Variants in CAMKK2 observed in about 807,000 individuals in gnomAD.
CAMKK2 encodes calcium/calmodulin dependent protein kinase kinase 2.
CAMKK2 carries 30 observed loss-of-function variants against 67.2 expected under a neutral mutation model. The observed-to-expected ratio is 0.45, with a 90% confidence interval of 0.33 to 0.61. The LOEUF (loss-of-function observed/expected upper bound fraction) is 0.61, where lower values mean the gene tolerates loss of function less well. Ranked by LOEUF, CAMKK2 falls within the 20% of genes least tolerant of loss-of-function variation. The probability of loss-of-function intolerance (pLI) is 0.02; values close to 1 mark genes in which losing one functional copy is unlikely to be tolerated. For missense variants in CAMKK2, 643 were observed against 802.0 expected (o/e 0.80, Z 2.39); for synonymous variants, 322 against 326.2 (o/e 0.99, Z 0.14).
intron 1 of CAMKK2, among the ~76,000 whole-genome samples, chr12:121,295,187 T>C (rs1394057781): frequency 2.0e-5 from 3 of 152,154 alleles, no homozygotes; most frequent in Non-Finnish European, 4.4e-5. Context: ...ATAAGTATTC[T>C]TATTATTATC....
intron 14 of CAMKK2, among the ~76,000 whole-genome samples, chr12:121,246,096 T>C (rs532732526): frequency 4.2e-4 from 63 of 151,440 alleles, no homozygotes; most frequent in Non-Finnish European, 8.3e-4. Context: ...GGGAGGTGAA[T>C]GGAGAGTCAT....
intron 14 of CAMKK2, among the ~76,000 whole-genome samples, chr12:121,248,123 A>G (rs1333638344): frequency 2.0e-5 from 3 of 152,208 alleles, no homozygotes; most frequent in Non-Finnish European, 4.4e-5. Context: ...AAGGGGACCT[A>G]CTTGCTCCTA....
At position 121,240,729 on chromosome 12, in the gene CAMKK2, C is replaced by A. The variant is rs777966197; in HGVS notation, c.1737G>T (p.Leu579=). The A allele has an allele frequency of 6.2e-7, 1 of 1,608,014 alleles. No individual in the cohort carries two copies. The highest frequency in any genetic ancestry group is 1.1e-5 in the South Asian group (1 of 90,684). Residue 579 remains leucine (L), a synonymous_variant, in exon 17 of 17, where the codon CTG becomes CTT. Transcript: ENST00000404169. The surrounding 1 kb of genome is among the most constrained non-coding windows in gnomAD (Gnocchi z 4.4). ...APGSPARMHP[L]RPEEAMEPE Reference sequence around the variant, plus strand: ...CGGGCTCCATGGCCTCCTCCGGCCGCAGTGGATGCATGCGTGCGGGGGAGC... The same window carrying A: ...CGGGCTCCATGGCCTCCTCCGGCCGAAGTGGATGCATGCGTGCGGGGGAGC...
chr12:121,240,600 A>C lies in CAMKK2; in HGVS notation c.*99T>G. The C allele has an allele frequency of 6.5e-7, 1 of 1,531,870 alleles. No homozygotes were observed. The highest frequency in any genetic ancestry group is 8.7e-7 in the Non-Finnish European group (1 of 1,145,922). The allele number at this position is 1,531,870 out of a possible 1,614,324, so 94.9% of individuals were successfully genotyped here. ...AGAGATGACGATCGAGGCTCTACAC[A>C]CGTGCTGGGTTTCCGTAGGACATGC... On this transcript the variant is annotated 3_prime_UTR_variant, in exon 17 of 17. Coordinates refer to ENST00000404169, the MANE Select transcript of CAMKK2 (RefSeq NM_001270485.2). This position sits in a 1 kb window ranked among gnomAD's most constrained non-coding sequence, Gnocchi z 4.4.
In CAMKK2 at chr12:121,268,574, CA is replaced by C. The variant is rs1895099664; in HGVS notation, c.625+63del. 4 of 1,462,778 alleles carry C rather than the reference CA, an allele frequency of 2.7e-6. No individual in the cohort carries two copies. The Admixed American group carries it at 5.0e-5, about 18-fold the overall frequency. The allele number at this position is 1,462,778 out of a possible 1,614,324, so 90.6% of individuals were successfully genotyped here. A position where few individuals can be genotyped will look rare whatever the true frequency, so the allele number is the denominator to read the frequency against. On this transcript the variant is annotated intron_variant, in intron 5 of 16. Transcript: ENST00000404169. ...CATGCCCAGTGCAATGGTTCCCATTCAGGGGGCTCTGCCCTGTCTTGTCCCA... is the reference window on the plus strand; with the variant it reads ...CATGCCCAGTGCAATGGTTCCCATTCGGGGGCTCTGCCCTGTCTTGTCCCA...
intron 1 of CAMKK2, among the ~76,000 whole-genome samples, chr12:121,283,343 A>C (rs1015038817): frequency 3.3e-5 from 5 of 152,074 alleles, no homozygotes; most frequent in Non-Finnish European, 5.9e-5. Context: ...AGCGCTCTTT[A>C]ATTTGGGGCC....
chr12:121,253,125 G>C lies in CAMKK2; in HGVS notation c.1107+148C>G. 2.9e-6 allele frequency: 2 copies of C among 684,768 alleles called. No individual in the cohort carries two copies. The highest frequency in any genetic ancestry group is 5.0e-6 in the Non-Finnish European group (2 of 401,282). 42.4% of individuals were successfully genotyped at this position (684,768 alleles called of 1,614,324 possible). Reference sequence around the variant, plus strand: ...GGAGATGGTTTCTGTTTGAGTCCCTGGATCTAGCCAAGCCTGAAGCCTACC... The same window carrying C: ...GGAGATGGTTTCTGTTTGAGTCCCTCGATCTAGCCAAGCCTGAAGCCTACC... On this transcript the variant is annotated intron_variant, in intron 10 of 16. Coordinates refer to ENST00000404169, the MANE Select transcript of CAMKK2 (RefSeq NM_001270485.2). The surrounding 1 kb of genome is among the most constrained non-coding windows in gnomAD (Gnocchi z 5.0).
At chr12:121,278,151 AATC>A (rs903287665) in intron 1 of CAMKK2, among the ~76,000 whole-genome samples, 7 of 152,082 alleles carry the variant, frequency 4.6e-5, no homozygotes, top group African/African-American at 1.2e-4. Context: ...CTCAGAAAGA[AATC>A]ATCAACTCTG....
At chr12:121,272,438 T>C (rs1785439964) in intron 2 of CAMKK2, among the ~76,000 whole-genome samples, 1 of 152,200 alleles carries the variant, frequency 6.6e-6, no homozygotes, top group Non-Finnish European at 1.5e-5. Context: ...CCATTGCTCA[T>C]AGGTCCTAGC....
chr12:121,275,702 G>A (rs1896663834), intron 1 of CAMKK2, among the ~76,000 whole-genome samples: 1 of 151,978 alleles, frequency 6.6e-6, no homozygotes, highest in Non-Finnish European at 1.5e-5. Flanking sequence ...ACATTAGTGG[G>A]TGTGGGGAAT....
In CAMKK2 at chr12:121,277,722, C is replaced by A. The variant is rs554146066; in HGVS notation, c.-59-3137G>T. Among the ~76,000 whole-genome samples the A allele has an allele frequency of 3.9e-5, 6 of 152,258 alleles. 1 individual carries two copies. In the East Asian group the frequency reaches 1.2e-3, roughly 29 times the overall value. ...TGGTTCGCACCTGTAATCCCAACAC[C>A]TTGGGAGGCCAAGGCAGGCAGATCA... On this transcript the variant is annotated intron_variant, in intron 1 of 16. Coordinates refer to ENST00000404169, the MANE Select transcript of CAMKK2 (RefSeq NM_001270485.2).
intron 10 of CAMKK2, 26 bp from the exon 11 acceptor site, chr12:121,252,740 G>C: frequency 6.2e-7 from 1 of 1,611,790 alleles, no homozygotes. Context: ...CTTAGTGTGA[G>C]GGCATAAGGG....
chr12:121,276,226 G>C (rs1273240717), intron 1 of CAMKK2, among the ~76,000 whole-genome samples: 1 of 150,276 alleles, frequency 6.7e-6, no homozygotes. Flanking sequence ...CCAGCACTTT[G>C]GGAGGCCAAG....
rs765037623 is a variant in CAMKK2, at chr12:121,260,359, G to A, written c.760-4C>T. 12 of 1,611,480 alleles carry A rather than the reference G, an allele frequency of 7.4e-6. No individual in the cohort carries two copies. Among genetic ancestry groups the A allele is most frequent in the Non-Finnish European group, 1.0e-5 (12 of 1,179,200 alleles). ...CCTCATTGGGGTCATCCAGGACCTT[G>A]GCACAGCCACATGGAATAGGCAGGA... On this transcript the variant is annotated splice_region_variant and splice_polypyrimidine_tract_variant and intron_variant, in intron 6 of 16. Coordinates refer to ENST00000404169, the MANE Select transcript of CAMKK2 (RefSeq NM_001270485.2).
chr12:121,284,910 T>TGAATTCCCGGGCCTAGAACTTTCTA (rs1898441897), intron 1 of CAMKK2, among the ~76,000 whole-genome samples: 2 of 152,218 alleles, frequency 1.3e-5, no homozygotes, highest in Non-Finnish European at 2.9e-5. Flanking sequence ...TGTTTACAGC[T>TGAATTCCCGGGCCTAGAACTTTCTA]GAATTCCCGG....
At chr12:121,272,738 G>A (rs1005361974) in intron 2 of CAMKK2, among the ~76,000 whole-genome samples, 31 of 151,440 alleles carry the variant, frequency 2.0e-4, no homozygotes, top group African/African-American at 7.5e-4. Flanking sequence ...ACTGGGCATG[G>A]TGGTGCACAC....
chr12:121,270,618 G>A (rs1015207680), intron 3 of CAMKK2, among the ~76,000 whole-genome samples: 2 of 152,000 alleles, frequency 1.3e-5, no homozygotes, highest in South Asian at 2.1e-4. Context: ...AGAGTACCTC[G>A]GGGTGAAACA....
chr12:121,253,629 G>A lies in CAMKK2; in HGVS notation c.908-157C>T, dbSNP rs778589667. Among the ~76,000 whole-genome samples the A allele has an allele frequency of 2.6e-5, 4 of 152,028 alleles. No homozygotes were observed. Among genetic ancestry groups the A allele is most frequent in the East Asian group, 3.8e-4 (2 of 5,196 alleles). ...TTCCAACCTTCCACTCCCCAAACCC[G>A]CTGGGCACTGACATGCTCTAAAAGA... On this transcript the variant is annotated intron_variant, in intron 9 of 16. Coordinates refer to ENST00000404169, the MANE Select transcript of CAMKK2 (RefSeq NM_001270485.2). The surrounding 1 kb of genome is among the most constrained non-coding windows in gnomAD (Gnocchi z 5.0).
intron 1 of CAMKK2, 139 bp from the exon 2 acceptor site, chr12:121,274,724 G>C (rs1896482030): frequency 3.5e-6 from 2 of 574,356 alleles, no homozygotes; most frequent in Non-Finnish European, 3.1e-6. Flanking sequence ...AACATGGTGT[G>C]ATCTGATCTC....
Sources: allele counts gnomAD v4.1 joint callset (sites outside exome capture counted in the v4.1 genomes callset), GRCh38; gene constraint gnomAD v4.1.1; non-coding constraint Gnocchi (gnomAD v3.1); transcripts MANE v1.5; gene names NCBI Gene and HGNC (gene_info 2026-07-23, HGNC 2026-07-21).